Variants in KCNN3 observed in about 807,000 individuals in gnomAD.
The protein encoded by KCNN3 is small conductance calcium-activated potassium channel protein 3.
In KCNN3, 16 loss-of-function variants were observed where a neutral mutation model predicts 62.9. The observed-to-expected ratio is 0.25, with a 90% CI of 0.17 to 0.39. KCNN3 has a LOEUF of 0.39. Ranked by LOEUF, KCNN3 falls within the 10% of genes least tolerant of loss-of-function variation. KCNN3 has a pLI of 1.00. For missense variants in KCNN3, 599 were observed against 949.4 expected (o/e 0.63, Z 4.85); for synonymous variants, 370 against 389.2 (o/e 0.95, Z 0.58).
At chr1:154,788,572 ATCCATGGTTCATTT>A (rs1649381805) in intron 2 of KCNN3, among the ~76,000 whole-genome samples, 1 of 152,098 alleles carries the variant, frequency 6.6e-6, no homozygotes, top group Non-Finnish European at 1.5e-5. Context: ...TCCTTCAAGC[ATCCATGGTTCATTT>A]TCATGAAGAT....
At chr1:154,842,591 A>G (rs1341849574) in intron 1 of KCNN3, among the ~76,000 whole-genome samples, 1 of 151,484 alleles carries the variant, frequency 6.6e-6, no homozygotes, top group African/African-American at 2.4e-5. Flanking sequence ...CCTAAGTGCC[A>G]GACAGAATCT....
chr1:154,758,992 G>A (rs1349114570), intron 3 of KCNN3, among the ~76,000 whole-genome samples: 1 of 152,142 alleles, frequency 6.6e-6, no homozygotes, highest in African/African-American at 2.4e-5. Flanking sequence ...ATTTTTAATA[G>A]AGACAGCGTT....
chr1:154,810,075 G>A (rs1167839955), intron 2 of KCNN3, among the ~76,000 whole-genome samples: 1 of 152,188 alleles, frequency 6.6e-6, no homozygotes, highest in African/African-American at 2.4e-5. Context: ...ATTATGGCAG[G>A]GAAGTGGGGG....
chr1:154,748,769 T>C (rs1376869471), intron 3 of KCNN3, among the ~76,000 whole-genome samples: 1 of 152,226 alleles, frequency 6.6e-6, no homozygotes, highest in African/African-American at 2.4e-5. Flanking sequence ...AAGACCAGAC[T>C]GGGCAACATA....
rs1285662922 is a variant in KCNN3 at position 154,845,019 on chromosome 1, A to AG, written c.934-22836_934-22835insC. On this transcript the variant is annotated intron_variant, in intron 1 of 7. Transcript: ENST00000271915. The stretch of plus-strand genomic sequence containing the variant: ...AGACCCCGTCTCAAAAAACAAAAAA[A>AG]AGAGAGAGAAAAAAAACTGGGGCCA... Among the ~76,000 whole-genome samples, 25 of 148,008 alleles carry AG rather than the reference A, an allele frequency of 1.7e-4. No homozygotes were observed. In the East Asian group the frequency reaches 4.5e-3, roughly 27 times the overall value.
chr1:154,782,132 G>A (rs755095451), intron 2 of KCNN3, among the ~76,000 whole-genome samples: 2 of 152,182 alleles, frequency 1.3e-5, no homozygotes, highest in Non-Finnish European at 2.9e-5. Context: ...GATGATACCA[G>A]GTGAGACCAA....
At position 154,869,202 on chromosome 1, in the gene KCNN3, A is replaced by C; in HGVS notation, c.763T>G (p.Phe255Val). Residue 255 changes from phenylalanine to valine, a missense_variant, in exon 1 of 8, where the codon TTC becomes GTC. Transcript: ENST00000271915. This position sits in a 1 kb window ranked among gnomAD's most constrained non-coding sequence, Gnocchi z 6.1. ...TTTTTCCGCTTGTTGGCTTTGGGGA[A>C]GGTGGTGCTGCTGGCGGTGGTGCCG... ...HAGTTASSTTFPKANKRKNQN... is the reference protein window; with the variant it reads ...HAGTTASSTTVPKANKRKNQN... 1 of 1,614,028 alleles carries C rather than the reference A, an allele frequency of 6.2e-7. No homozygotes were observed. The highest frequency in any genetic ancestry group is 1.7e-5 in the Admixed American group (1 of 60,022).
At chr1:154,836,963 C>T (rs1217588683) in intron 1 of KCNN3, among the ~76,000 whole-genome samples, 3 of 152,224 alleles carry the variant, frequency 2.0e-5, no homozygotes, top group Non-Finnish European at 4.4e-5. Context: ...AGAGGAGAAT[C>T]GTGCAAAATC....
In KCNN3 at chr1:154,811,536, C is replaced by T. The variant is rs559157186; in HGVS notation, c.1029+10553G>A. 1.2e-3 allele frequency among the ~76,000 whole-genome samples: 180 copies of T among 152,244 alleles called. 1 individual carries two copies. The highest frequency in any genetic ancestry group is 4.2e-3 in the African/African-American group (175 of 41,524). On this transcript the variant is annotated intron_variant, in intron 2 of 7. Transcript: ENST00000271915. ...TACGGACCGCAGGCTCAGTGTCTCTCCCACCATCATGCTAACAGGACAGGT... is the reference window on the plus strand; with the variant it reads ...TACGGACCGCAGGCTCAGTGTCTCTTCCACCATCATGCTAACAGGACAGGT...
chr1:154,853,724 A>C (rs150981843), intron 1 of KCNN3, among the ~76,000 whole-genome samples: 3,068 of 151,972 alleles, frequency 0.02, 95 homozygotes, highest in African/African-American at 0.069. Context: ...CAGGCAGATC[A>C]CTTGAGGTCA....
At chr1:154,849,546 G>C (rs1052906977) in intron 1 of KCNN3, among the ~76,000 whole-genome samples, 8 of 152,190 alleles carry the variant, frequency 5.3e-5, no homozygotes, top group African/African-American at 1.9e-4. Flanking sequence ...AGATTTCCAA[G>C]GATGAAAAGA....
In KCNN3 at chr1:154,698,879, G is replaced by A. The variant is rs1030055821; in HGVS notation, c.*9097C>T. Reference sequence around the variant, plus strand: ...AATTTCATTTGCCTTTCCTTAGTAAGGAACACAGTAACAACGCGAACAAAA... The same window carrying A: ...AATTTCATTTGCCTTTCCTTAGTAAAGAACACAGTAACAACGCGAACAAAA... On this transcript the variant is annotated 3_prime_UTR_variant, in exon 8 of 8. Transcript: ENST00000271915. 1 of 152,162 alleles carries A rather than the reference G, an allele frequency of 6.6e-6. No homozygotes were observed. The highest frequency in any genetic ancestry group is 2.4e-5 in the African/African-American group (1 of 41,418). 9.4% of individuals were successfully genotyped at this position (152,162 alleles called of 1,614,324 possible). A position where few individuals can be genotyped will look rare whatever the true frequency, so the allele number is the denominator to read the frequency against.
At chr1:154,795,175 G>A (rs1649678756) in intron 2 of KCNN3, among the ~76,000 whole-genome samples, 1 of 152,198 alleles carries the variant, frequency 6.6e-6, no homozygotes, top group Admixed American at 6.5e-5. Context: ...CCGTCGCCCA[G>A]CCCCTGTGGT....
intron 3 of KCNN3, among the ~76,000 whole-genome samples, chr1:154,765,964 T>C (rs1648251268): frequency 6.6e-6 from 1 of 152,048 alleles, no homozygotes; most frequent in African/African-American, 2.4e-5. Context: ...ACTCTTCTAA[T>C]GTTGCTTTTT....
At position 154,809,167 on chromosome 1, in the gene KCNN3, C is replaced by T. The variant is rs1260405577; in HGVS notation, c.1029+12922G>A. ...ACTCTCCTGTGACACAACGTGATCT[C>T]ACCGAGTGACCAGGTGTACGGCTTC... On this transcript the variant is annotated intron_variant, in intron 2 of 7. Transcript: ENST00000271915. The surrounding 1 kb of genome is among the most constrained non-coding windows in gnomAD (Gnocchi z 4.3). Among the ~76,000 whole-genome samples, 1 of 152,220 alleles carries T rather than the reference C, an allele frequency of 6.6e-6. No homozygotes were observed. The highest frequency in any genetic ancestry group is 1.5e-5 in the Non-Finnish European group (1 of 68,042).
chr1:154,756,194 G>GGGA (rs35220227), intron 3 of KCNN3, among the ~76,000 whole-genome samples: 60,461 of 117,500 alleles, frequency 0.51, 16,817 homozygotes, highest in East Asian at 0.75. Flanking sequence ...GGATGGGGAG[G>GGGA]GGAGGAGGAG....
intron 2 of KCNN3, among the ~76,000 whole-genome samples, chr1:154,814,003 A>G (rs559906478): frequency 1.3e-5 from 2 of 152,366 alleles, no homozygotes; most frequent in East Asian, 3.9e-4. Flanking sequence ...TGTAGTAACC[A>G]TGGCAATCCA....
At chr1:154,839,484 A>G (rs1044423086) in intron 1 of KCNN3, among the ~76,000 whole-genome samples, 80 of 152,228 alleles carry the variant, frequency 5.3e-4, no homozygotes, top group African/African-American at 1.9e-3. Context: ...TAGGGAGGAA[A>G]GGTCCCCATG....
chr1:154,867,147 G>C (rs1475336454), intron 1 of KCNN3, among the ~76,000 whole-genome samples: 6 of 152,328 alleles, frequency 3.9e-5, no homozygotes, highest in African/African-American at 1.4e-4. Context: ...TGGTCTCCAA[G>C]GGAGGACTGG....
Sources: gnomAD v4.1 joint callset for allele counts (sites outside exome capture counted in the v4.1 genomes callset) on GRCh38, gnomAD v4.1.1 for gene constraint, Gnocchi (gnomAD v3.1) non-coding constraint, MANE v1.5 for transcripts, NCBI Gene and HGNC (gene_info 2026-07-23, HGNC 2026-07-21) for gene names.